The following TGM5 variants were observed in gnomAD, a reference collection of about 807,000 sequenced individuals.
TGM5 encodes the protein protein-glutamine gamma-glutamyltransferase 5.
TGM5 carries 69 observed loss-of-function variants against 77.2 expected under a neutral mutation model. The observed-to-expected ratio is 0.89, with a 90% CI of 0.74 to 1.09. The LOEUF is 1.09. Among genes scored for constraint, TGM5 ranks in the 50% least tolerant of loss-of-function variants. The pLI is 0.00. For missense variants in TGM5, 842 were observed against 896.5 expected (o/e 0.94, Z 0.78); for synonymous variants, 346 against 351.8 (o/e 0.98, Z 0.18).
At chr15:43,249,132 C>T (rs541175846) in intron 6 of TGM5, among the ~76,000 whole-genome samples, 49 of 152,234 alleles carry the variant, frequency 3.2e-4, no homozygotes, top group African/African-American at 9.4e-4. Context: ...CACCTGCTTA[C>T]GGTCACACAT....
chr15:43,259,312 G>GA (rs901518074), intron 3 of TGM5, among the ~76,000 whole-genome samples: 340 of 141,198 alleles, frequency 2.4e-3, no homozygotes, highest in East Asian at 7.7e-3. Flanking sequence ...AGAAGAAGAA[G>GA]AAAAAAAAAA....
chr15:43,252,946 A>C lies in TGM5; in HGVS notation c.685-10T>G, dbSNP rs1315720293. On this transcript the variant is annotated splice_polypyrimidine_tract_variant and intron_variant, in intron 5 of 12. Coordinates refer to ENST00000220420, the MANE Select transcript of TGM5 (RefSeq NM_201631.4). ...CATCATTGCTGTTGATCTGAAGAGA[A>C]GCCATATAGAGAAGTGTTAGAAACA... 2.5e-6 allele frequency: 4 copies of C among 1,612,160 alleles called. No homozygotes were observed. In the South Asian group the frequency reaches 4.4e-5, roughly 18 times the overall value.
intron 10 of TGM5, 150 bp downstream of exon 10, chr15:43,235,319 A>C: frequency 1.0e-6 from 1 of 975,554 alleles, no homozygotes; most frequent in Non-Finnish European, 1.6e-6. Flanking sequence ...GGAAGGGGGA[A>C]GGAGAAGAGG....
chr15:43,264,274 G>T (rs1437702131), intron 1 of TGM5, among the ~76,000 whole-genome samples: 1 of 152,014 alleles, frequency 6.6e-6, no homozygotes, highest in African/African-American at 2.4e-5. Flanking sequence ...CTAACAATTC[G>T]ATCCCCAGGT....
In TGM5 at chr15:43,252,925, A is replaced by C; in HGVS notation, c.696T>G (p.Asn232Lys). The change falls in exon 6 of 13, where the codon AAT becomes AAG. Residue 232 changes from asparagine (N) to lysine (K), a missense_variant. Asn to Lys is a moderately conservative substitution (Grantham distance 94). Transcript: ENST00000220420. ...TTCCATTGAGCACCCCATTATCATC[A>C]TTGCTGTTGATCTGAAGAGAAGCCA... is the stretch of plus-strand genomic sequence containing the variant. ...SRVVCAMINS[N>K]DDNGVLNGNW... 1 of 1,613,214 alleles carries C rather than the reference A, an allele frequency of 6.2e-7. No homozygotes were observed. The highest frequency in any genetic ancestry group is 8.5e-7 in the Non-Finnish European group (1 of 1,180,026).
chr15:43,259,100 C>T (rs185926251), intron 3 of TGM5, among the ~76,000 whole-genome samples: 14 of 152,152 alleles, frequency 9.2e-5, no homozygotes, highest in Non-Finnish European at 1.8e-4. Context: ...AGATGGGAAG[C>T]GGATGGTCCC....
Position 43,233,551 on chromosome 15 carries a change from T to TA in TGM5, c.2009+2dup. On this transcript the variant is annotated splice_region_variant and intron_variant, in intron 12 of 12. Coordinates refer to ENST00000220420, the MANE Select transcript of TGM5 (RefSeq NM_201631.4). ...GAGAAGGCTGAGCACTTGCAGCACT[T>TA]ACAAGACTTTCTGCTGTTTCTTGAA... 1 of 1,614,190 alleles carries TA rather than the reference T, an allele frequency of 6.2e-7. No individual in the cohort carries two copies. The highest frequency in any genetic ancestry group is 8.5e-7 in the Non-Finnish European group (1 of 1,180,030).
In TGM5 at chr15:43,253,704, T is replaced by G. The variant is rs574810701; in HGVS notation, c.556-70A>C. The G allele has an allele frequency of 7.7e-5, 122 of 1,587,352 alleles. No individual in the cohort carries two copies. The East Asian group carries it at 2.6e-3, about 34-fold the overall frequency. ...GTGGGAGTATGTAAAAAGTAATGAC[T>G]TCCCCCCAACCCTAGTGGAATATAA... is the stretch of plus-strand genomic sequence containing the variant. On this transcript the variant is annotated intron_variant, in intron 4 of 12. Transcript: ENST00000220420.
Position 43,260,544 on chromosome 15 carries a change from T to C in TGM5, c.46A>G (p.Arg16Gly). 1.9e-6 allele frequency: 3 copies of C among 1,614,154 alleles called. No individual in the cohort carries two copies. In the African/African-American group the frequency reaches 4.0e-5, roughly 22 times the overall value. The change falls in exon 2 of 13, where the codon AGA (arginine) becomes GGA (glycine). Residue 16 changes from arginine (R) to glycine (G), a missense_variant. Arg to Gly is a moderately radical substitution (Grantham distance 125). Around this residue, in one of 2 missense-constraint regions of TGM5, gnomAD observed 815 missense variants for 844.6 expected, o/e 0.96. Coordinates refer to ENST00000220420, the MANE Select transcript of TGM5 (RefSeq NM_201631.4). ...EVALTDLQSS[R>G]NNVRHHTEEI... ...TCCGTGTGGTGCCGCACATTATTTC[T>C]GGAGCTCTGGAGGTCTGTGAGGGCC...
chr15:43,254,786 A>T (rs1362288041), intron 4 of TGM5, among the ~76,000 whole-genome samples: 2 of 151,984 alleles, frequency 1.3e-5, no homozygotes, highest in Non-Finnish European at 2.9e-5. Flanking sequence ...GGCTAACTCA[A>T]TTCAAACATC....
chr15:43,261,696 C>T (rs986637394), intron 1 of TGM5, among the ~76,000 whole-genome samples: 31 of 152,286 alleles, frequency 2.0e-4, no homozygotes, highest in African/African-American at 6.7e-4. Context: ...TCACCTGTCA[C>T]TAACTCTCTT....
chr15:43,236,598 T>C (rs918094846), intron 9 of TGM5, among the ~76,000 whole-genome samples: 1 of 152,238 alleles, frequency 6.6e-6, no homozygotes, highest in Non-Finnish European at 1.5e-5. Context: ...AGGCCACTTT[T>C]ATCCCCTTGC....
chr15:43,261,130 C>A (rs1277279558), intron 1 of TGM5, among the ~76,000 whole-genome samples: 4 of 132,448 alleles, frequency 3.0e-5, no homozygotes, highest in Non-Finnish European at 3.1e-5. Context: ...CACACTGTTG[C>A]CCAGGCTGCT....
chr15:43,234,794 A>G lies in TGM5; in HGVS notation c.1850T>C (p.Leu617Ser). Residue 617 changes from leucine (L) to serine (S), a missense_variant, in exon 11 of 13, where the codon TTA becomes TCA. Leu to Ser is a moderately radical substitution (Grantham distance 145). Transcript: ENST00000220420. The stretch of plus-strand genomic sequence containing the variant: ...ATTAATCGTGATGCTTGGATAAGAT[A>G]AGGTGATGATCTTGTTCACCAGGAT... The part of the protein sequence containing the change: ...EKILVNKIIT[L>S]SYPSITINVL... The G allele has an allele frequency of 6.2e-7, 1 of 1,614,222 alleles. No individual in the cohort carries two copies. Among genetic ancestry groups the G allele is most frequent in the Non-Finnish European group, 8.5e-7 (1 of 1,180,036 alleles).
At position 43,232,808 on chromosome 15, in the gene TGM5, G is replaced by A. The variant is rs1349973057; in HGVS notation, c.*383C>T. The A allele has an allele frequency of 3.7e-6, 1 of 267,818 alleles. No individual in the cohort carries two copies. The highest frequency in any genetic ancestry group is 7.2e-6 in the Non-Finnish European group (1 of 139,004). The allele number at this position is 267,818 out of a possible 1,614,324, so 16.6% of individuals were successfully genotyped here. A position where few individuals can be genotyped will look rare whatever the true frequency, so the allele number is the denominator to read the frequency against. Reference sequence around the variant, plus strand: ...TCCTGGAATCTCTGGATGGGACACAGTGGAATCCCTGGGCCCTGAAAAGAG... The same window carrying A: ...TCCTGGAATCTCTGGATGGGACACAATGGAATCCCTGGGCCCTGAAAAGAG... On this transcript the variant is annotated 3_prime_UTR_variant, in exon 13 of 13. Transcript: ENST00000220420.
chr15:43,257,903 A>G (rs1444393637), intron 3 of TGM5, among the ~76,000 whole-genome samples: 2 of 152,212 alleles, frequency 1.3e-5, no homozygotes, highest in African/African-American at 4.8e-5. Context: ...CAGCCATAAA[A>G]AATGATGAGT....
chr15:43,264,469 G>A (rs185252028), intron 1 of TGM5, among the ~76,000 whole-genome samples: 4 of 152,178 alleles, frequency 2.6e-5, no homozygotes, highest in Admixed American at 6.5e-5. Flanking sequence ...TACTAAATAT[G>A]GATGAACCTT....
At chr15:43,253,899 T>A (rs1326386557) in intron 4 of TGM5, among the ~76,000 whole-genome samples, 1 of 152,102 alleles carries the variant, frequency 6.6e-6, no homozygotes, top group Non-Finnish European at 1.5e-5. Context: ...TTGTTTGGGT[T>A]TTTTCCCCAG....
intron 1 of TGM5, among the ~76,000 whole-genome samples, chr15:43,261,097 T>TTTTTTTTTTTTTTTTG (rs2042787430): frequency 1.0e-5 from 1 of 97,422 alleles, no homozygotes; most frequent in African/African-American, 5.1e-5. Context: ...TTTTTTTTTT[T>TTTTTTTTTTTTTTTTG]TTTTTTTTTT....
Sources: gnomAD v4.1 joint callset for allele counts (sites outside exome capture counted in the v4.1 genomes callset) on GRCh38, gnomAD v4.1.1 for gene constraint, gnomAD v4.1.1 regional missense constraint, MANE v1.5 for transcripts, NCBI Gene and HGNC (gene_info 2026-07-23, HGNC 2026-07-21) for gene names.